The following RCVRN variants were observed in gnomAD, a reference collection of about 807,000 sequenced individuals.
The protein encoded by RCVRN is cancer associated retinopathy antigen.
In RCVRN, 23 loss-of-function variants were observed where a neutral mutation model predicts 20.4. That is an observed-to-expected ratio of 1.13 (90% CI 0.81 to 1.60). The LOEUF is 1.60. Ranked by LOEUF, RCVRN falls within the 40% of genes most tolerant of loss-of-function variation. The pLI is 0.00. For missense variants in RCVRN, 254 were observed against 254.2 expected (o/e 1.00, Z 0.00); for synonymous variants, 105 against 105.9 (o/e 0.99, Z 0.05).
At position 9,897,798 on chromosome 17, in the gene RCVRN, C is replaced by T. The variant is rs143779720; in HGVS notation, c.*297G>A. The T allele has an allele frequency of 4.8e-5, 16 of 334,850 alleles. No homozygotes were observed. In the East Asian group the frequency reaches 9.3e-4, roughly 19 times the overall value. The allele number at this position is 334,850 out of a possible 1,614,324, so 20.7% of individuals were successfully genotyped here. A position where few individuals can be genotyped will look rare whatever the true frequency, so the allele number is the denominator to read the frequency against. On this transcript the variant is annotated 3_prime_UTR_variant, in exon 3 of 3. Coordinates refer to ENST00000226193, the MANE Select transcript of RCVRN (RefSeq NM_002903.3). ...GGGTGACACTTAGGACTCCTATGGC[C>T]TAATCCTGGGATTAGCACAGGGCCA...
In RCVRN at chr17:9,898,215, G is replaced by T. The variant is rs76286617; in HGVS notation, c.494-11C>A. 45 of 1,552,020 alleles carry T rather than the reference G, an allele frequency of 2.9e-5. No individual in the cohort carries two copies. Among genetic ancestry groups the T allele is most frequent in the Non-Finnish European group, 4.0e-5 (45 of 1,124,374 alleles). ...TCTCTGTAAGTTTATCTGTGCATTGGGAAAAAATATATACGTACATAAAAC... is the reference window on the plus strand; with the variant it reads ...TCTCTGTAAGTTTATCTGTGCATTGTGAAAAAATATATACGTACATAAAAC... On this transcript the variant is annotated splice_polypyrimidine_tract_variant and intron_variant, in intron 2 of 2. Coordinates refer to ENST00000226193, the MANE Select transcript of RCVRN (RefSeq NM_002903.3).
At chr17:9,903,854 T>C (rs987186084) in intron 1 of RCVRN, among the ~76,000 whole-genome samples, 9 of 152,210 alleles carry the variant, frequency 5.9e-5, no homozygotes, top group African/African-American at 1.9e-4. Context: ...GTGACTGTCC[T>C]GAATGTTGCA....
At position 9,899,863 on chromosome 17, in the gene RCVRN, C is replaced by T. The variant is rs376136520; in HGVS notation, c.493+1126G>A. Among the ~76,000 whole-genome samples the T allele has an allele frequency of 2.0e-5, 3 of 152,166 alleles. No individual in the cohort carries two copies. The highest frequency in any genetic ancestry group is 1.9e-4 in the East Asian group (1 of 5,188). ...GTTGGCAGATTAGGAGGAGCAGGGT[C>T]ATCTCTCTCTGCCCTTATTTAGCAT... On this transcript the variant is annotated intron_variant, in intron 2 of 2. Coordinates refer to ENST00000226193, the MANE Select transcript of RCVRN (RefSeq NM_002903.3). The surrounding 1 kb of genome is among the most constrained non-coding windows in gnomAD (Gnocchi z 4.6).
intron 1 of RCVRN, among the ~76,000 whole-genome samples, chr17:9,903,153 T>TA (rs2067348734): frequency 6.6e-6 from 1 of 152,240 alleles, no homozygotes; most frequent in Non-Finnish European, 1.5e-5. Flanking sequence ...TATATACTGA[T>TA]ATACTAAGAA....
intron 1 of RCVRN, 56 bp from the exon 2 acceptor site, chr17:9,901,156 C>G (rs17744377): frequency 0.059 from 55,572 of 946,256 alleles, 1,804 homozygotes; most frequent in Middle Eastern, 0.093. Flanking sequence ...GGCTGGCAAC[C>G]CTGGAAAATC....
At position 9,904,896 on chromosome 17, in the gene RCVRN, C is replaced by T. The variant is rs749748569; in HGVS notation, c.285G>A (p.Ala95=). Residue 95 remains alanine, a synonymous_variant, in exon 1 of 3, where the codon GCG becomes GCA. Coordinates refer to ENST00000226193, the MANE Select transcript of RCVRN (RefSeq NM_002903.3). This position sits in a 1 kb window ranked among gnomAD's most constrained non-coding sequence, Gnocchi z 5.8. ...EYVIALHMTT[A]GKTNQKLEWA... Reference sequence around the variant, plus strand: ...ACTCCAGCTTCTGGTTGGTCTTGCCCGCGGTGGTCATGTGCAGGGCGATGA... The same window carrying T: ...ACTCCAGCTTCTGGTTGGTCTTGCCTGCGGTGGTCATGTGCAGGGCGATGA... 6 of 1,614,076 alleles carry T rather than the reference C, an allele frequency of 3.7e-6. No homozygotes were observed. The highest frequency in any genetic ancestry group is 5.1e-6 in the Non-Finnish European group (6 of 1,180,052).
rs1189173651 is a variant in RCVRN at position 9,904,596 on chromosome 17, G to C, written c.381+204C>G. 6.6e-6 allele frequency among the ~76,000 whole-genome samples: 1 copy of C among 152,208 alleles called. No individual in the cohort carries two copies. Among genetic ancestry groups the C allele is most frequent in the Non-Finnish European group, 1.5e-5 (1 of 68,036 alleles). On this transcript the variant is annotated intron_variant, in intron 1 of 2. Coordinates refer to ENST00000226193, the MANE Select transcript of RCVRN (RefSeq NM_002903.3). The surrounding 1 kb of genome is among the most constrained non-coding windows in gnomAD (Gnocchi z 5.8). Reference sequence around the variant, plus strand: ...CTGTATTAGGAAACACTCAGATTCTGCTCCGGGAAGACAACGAAGCTGTGG... The same window carrying C: ...CTGTATTAGGAAACACTCAGATTCTCCTCCGGGAAGACAACGAAGCTGTGG...
Position 9,904,985 on chromosome 17 carries a change from C to CGTA in RCVRN, c.193_195dup (p.Tyr65dup). Reference sequence around the variant, plus strand: ...TCGAAGCTGCGGAACACATGCTGGGCGTAGGCCTTGGGGTCGGTGTCGGGG... The same window carrying CGTA: ...TCGAAGCTGCGGAACACATGCTGGGCGTAGTAGGCCTTGGGGTCGGTGTCGGGG... On this transcript the variant is annotated inframe_insertion, in exon 1 of 3. Coordinates refer to ENST00000226193, the MANE Select transcript of RCVRN (RefSeq NM_002903.3). The surrounding 1 kb of genome is among the most constrained non-coding windows in gnomAD (Gnocchi z 5.8). 6.2e-7 allele frequency: 1 copy of CGTA among 1,614,166 alleles called. No individual in the cohort carries two copies. The highest frequency in any genetic ancestry group is 8.5e-7 in the Non-Finnish European group (1 of 1,180,038).
Position 9,905,082 on chromosome 17 carries a change from C to G in RCVRN, c.99G>C (p.Gln33His), listed in dbSNP as rs2067357801. Residue 33 changes from glutamine (Q) to histidine (H), a missense_variant, in exon 1 of 3, where the codon CAG becomes CAC. By Grantham distance (24) the Gln-to-His change is conservative. Coordinates refer to ENST00000226193, the MANE Select transcript of RCVRN (RefSeq NM_002903.3). ...FSEEELCSWY[Q>H]SFLKDCPTGR... ...CGGTGGGACAGTCCTTCAGGAAGGA[C>G]TGGTACCAGGAGCACAGCTCCTCCT... 1 of 1,610,990 alleles carries G rather than the reference C, an allele frequency of 6.2e-7. No homozygotes were observed. The highest frequency in any genetic ancestry group is 1.7e-5 in the Admixed American group (1 of 59,430).
rs777199180 is a variant in RCVRN at position 9,898,086 on chromosome 17, C to G, written c.*9G>C. On this transcript the variant is annotated 3_prime_UTR_variant, in exon 3 of 3. Coordinates refer to ENST00000226193, the MANE Select transcript of RCVRN (RefSeq NM_002903.3). Reference sequence around the variant, plus strand: ...GGTAGGTGGAGGGAGGACAGCTGAACAGTTGGCATCAGGCGTTCTTCATCT... The same window carrying G: ...GGTAGGTGGAGGGAGGACAGCTGAAGAGTTGGCATCAGGCGTTCTTCATCT... The G allele has an allele frequency of 6.3e-7, 1 of 1,598,848 alleles. No individual in the cohort carries two copies. The highest frequency in any genetic ancestry group is 1.1e-5 in the South Asian group (1 of 90,818).
intron 2 of RCVRN, 94 bp downstream of exon 2, chr17:9,900,895 G>T: frequency 1.3e-6 from 1 of 788,954 alleles, no homozygotes; most frequent in Non-Finnish European, 2.2e-6. Context: ...CATCCTGCCT[G>T]GACACTGTGA....
chr17:9,898,006 G>A lies in RCVRN; in HGVS notation c.*89C>T, dbSNP rs536249921. The A allele has an allele frequency of 9.5e-4, 771 of 807,788 alleles. 4 individuals carry two copies. The African/African-American group carries it at 0.011, about 11-fold the overall frequency. 50.0% of individuals were successfully genotyped at this position (807,788 alleles called of 1,614,324 possible). ...GATGTGTGTGTGTGTGTGTGCGCGC[G>A]CGTGTGTGTGCATGTGTGTGTGTGT... is the stretch of plus-strand genomic sequence containing the variant. On this transcript the variant is annotated 3_prime_UTR_variant, in exon 3 of 3. Coordinates refer to ENST00000226193, the MANE Select transcript of RCVRN (RefSeq NM_002903.3).
chr17:9,898,059 G>A lies in RCVRN; in HGVS notation c.*36C>T. Reference sequence around the variant, plus strand: ...ACAGGCGCTCACGGGTGTCATGTGAGTGGTAGGTGGAGGGAGGACAGCTGA... The same window carrying A: ...ACAGGCGCTCACGGGTGTCATGTGAATGGTAGGTGGAGGGAGGACAGCTGA... On this transcript the variant is annotated 3_prime_UTR_variant, in exon 3 of 3. Transcript: ENST00000226193. The A allele has an allele frequency of 4.3e-6, 6 of 1,410,852 alleles. No individual in the cohort carries two copies. The highest frequency in any genetic ancestry group is 6.0e-6 in the Non-Finnish European group (6 of 994,856). 87.4% of individuals were successfully genotyped at this position (1,410,852 alleles called of 1,614,324 possible).
rs2067331375 is a variant in RCVRN at position 9,899,162 on chromosome 17, T to C, written c.494-958A>G. Reference sequence around the variant, plus strand: ...CTTTCTGTTGTATGTTCACAGTGCCTAGCACAGAGTCGGTGCTCAACAAAG... The same window carrying C: ...CTTTCTGTTGTATGTTCACAGTGCCCAGCACAGAGTCGGTGCTCAACAAAG... On this transcript the variant is annotated intron_variant, in intron 2 of 2. Transcript: ENST00000226193. This position sits in a 1 kb window ranked among gnomAD's most constrained non-coding sequence, Gnocchi z 4.6. Among the ~76,000 whole-genome samples the C allele has an allele frequency of 6.6e-6, 1 of 152,182 alleles. No individual in the cohort carries two copies. Among genetic ancestry groups the C allele is most frequent in the South Asian group, 2.1e-4 (1 of 4,826 alleles).
In RCVRN at chr17:9,905,227, G is replaced by C; in HGVS notation, c.-47C>G. On this transcript the variant is annotated 5_prime_UTR_variant, in exon 1 of 3. Coordinates refer to ENST00000226193, the MANE Select transcript of RCVRN (RefSeq NM_002903.3). Reference sequence around the variant, plus strand: ...GGCTGGGGAGTCGCTGGGTGGGTGGGACGTGCGTGGTCCCCTGGCCGCAGG... The same window carrying C: ...GGCTGGGGAGTCGCTGGGTGGGTGGCACGTGCGTGGTCCCCTGGCCGCAGG... The C allele has an allele frequency of 6.5e-7, 1 of 1,541,814 alleles. No individual in the cohort carries two copies.
At chr17:9,900,913 G>A in intron 2 of RCVRN, 76 bp downstream of exon 2, 1 of 910,678 alleles carries the variant, frequency 1.1e-6, no homozygotes, top group Non-Finnish European at 1.8e-6. Context: ...TGACTCAGAA[G>A]AATAAATCTT....
rs2067358465 is a variant in RCVRN, at chr17:9,905,160, C to G, written c.21G>C (p.Gly7=). 1 of 1,609,714 alleles carries G rather than the reference C, an allele frequency of 6.2e-7. No individual in the cohort carries two copies. The highest frequency in any genetic ancestry group is 1.3e-5 in the African/African-American group (1 of 74,782). The part of the protein sequence containing the change: MGNSKS[G]ALSKEILEEL... ...CCTCCAGGATCTCCTTGGACAGGGC[C>G]CCACTTTTGCTGTTCCCCATGAGTG... The change falls in exon 1 of 3, where the codon GGG becomes GGC. Residue 7 remains glycine, a synonymous_variant. Coordinates refer to ENST00000226193, the MANE Select transcript of RCVRN (RefSeq NM_002903.3).
At position 9,896,328 on chromosome 17, in the gene RCVRN, A is replaced by C. The variant is rs866243096; in HGVS notation, c.*1767T>G. 1 of 152,196 alleles carries C rather than the reference A, an allele frequency of 6.6e-6. No homozygotes were observed. Among genetic ancestry groups the C allele is most frequent in the Non-Finnish European group, 1.5e-5 (1 of 68,040 alleles). The allele number at this position is 152,196 out of a possible 1,614,324, so 9.4% of individuals were successfully genotyped here. A position where few individuals can be genotyped will look rare whatever the true frequency, so the allele number is the denominator to read the frequency against. On this transcript the variant is annotated 3_prime_UTR_variant, in exon 3 of 3. Coordinates refer to ENST00000226193, the MANE Select transcript of RCVRN (RefSeq NM_002903.3). ...CAGAGTCTAGCATGGTGCACGGTTC[A>C]TAAGTGTTTATTCTCACGTTTGCTC...
chr17:9,902,232 C>G (rs1224697748), intron 1 of RCVRN, among the ~76,000 whole-genome samples: 1 of 152,008 alleles, frequency 6.6e-6, no homozygotes, highest in African/African-American at 2.4e-5. Context: ...GTCCCTGTCC[C>G]AGGCCACCCA....
Sources: gnomAD v4.1 joint callset for allele counts (sites outside exome capture counted in the v4.1 genomes callset) on GRCh38, gnomAD v4.1.1 for gene constraint, Gnocchi (gnomAD v3.1) non-coding constraint, MANE v1.5 for transcripts, NCBI Gene and HGNC (gene_info 2026-07-23, HGNC 2026-07-21) for gene names.